The following SPMAP2L variants were observed in gnomAD, a reference collection of about 807,000 sequenced individuals.
SPMAP2L encodes sperm microtubule associated protein 2 like, also known as sperm microtubule associated protein 2-like.
At chr4:56,543,840 G>A in the SPMAP2L span, among the ~76,000 whole-genome samples, 3 of 150,426 alleles carry the variant, frequency 2.0e-5, no homozygotes, top group Non-Finnish European at 4.4e-5. Flanking sequence ...ATTTTGGTAG[G>A]GAGAACTCTG....
At chr4:56,560,924 T>G in the SPMAP2L span, among the ~76,000 whole-genome samples, 1 of 150,898 alleles carries the variant, frequency 6.6e-6, no homozygotes, top group African/African-American at 2.4e-5. Context: ...TTTTGTATTT[T>G]TAGTAGAGAC....
the SPMAP2L span, among the ~76,000 whole-genome samples, chr4:56,543,846 C>A: frequency 6.6e-6 from 1 of 150,798 alleles, no homozygotes; most frequent in African/African-American, 2.4e-5. Flanking sequence ...GTAGGGAGAA[C>A]TCTGTACTTT....
At chr4:56,539,373 C>A in the SPMAP2L span, among the ~76,000 whole-genome samples, 1 of 152,124 alleles carries the variant, frequency 6.6e-6, no homozygotes, top group Non-Finnish European at 1.5e-5. Context: ...ACAGGACAAG[C>A]ACTTCATTTT....
chr4:56,624,143 C>G, the SPMAP2L span, among the ~76,000 whole-genome samples: 2 of 152,168 alleles, frequency 1.3e-5, no homozygotes, highest in Non-Finnish European at 1.5e-5. Context: ...AAAGGCGACT[C>G]TTGTTATGTT....
the SPMAP2L span, among the ~76,000 whole-genome samples, chr4:56,581,463 A>G: frequency 1.3e-5 from 2 of 151,656 alleles, no homozygotes; most frequent in African/African-American, 4.8e-5. Flanking sequence ...CTCCAAAAAG[A>G]AAAAAAATTA....
At chr4:56,571,595 C>A in the SPMAP2L span, among the ~76,000 whole-genome samples, 1 of 152,064 alleles carries the variant, frequency 6.6e-6, no homozygotes, top group South Asian at 2.1e-4. Flanking sequence ...CCAGTAATCC[C>A]AATGCTTTGG....
At chr4:56,538,492 A>C in the SPMAP2L span, among the ~76,000 whole-genome samples, 1 of 152,152 alleles carries the variant, frequency 6.6e-6, no homozygotes, top group South Asian at 2.1e-4. Context: ...TTCTCTAAAA[A>C]GTTTTCAGAC....
the SPMAP2L span, among the ~76,000 whole-genome samples, chr4:56,599,232 G>A: frequency 6.6e-6 from 1 of 151,784 alleles, no homozygotes; most frequent in South Asian, 2.1e-4. Context: ...ACCCAGGCTG[G>A]AGAGCAGTGG....
chr4:56,621,194 G>T, the SPMAP2L span, among the ~76,000 whole-genome samples: 7 of 151,962 alleles, frequency 4.6e-5, no homozygotes, highest in African/African-American at 1.7e-4. Flanking sequence ...TAATTTAGGA[G>T]ACTATAGGAA....
the SPMAP2L span, chr4:56,603,198 C>G: frequency 6.7e-7 from 1 of 1,500,750 alleles, no homozygotes; most frequent in Non-Finnish European, 8.9e-7. Context: ...TTTCTTTTTC[C>G]CCTATTTCAG....
chr4:56,598,637 A>AG, the SPMAP2L span, among the ~76,000 whole-genome samples: 2 of 150,640 alleles, frequency 1.3e-5, no homozygotes, highest in African/African-American at 4.9e-5. Context: ...AGGTCCTGAG[A>AG]GGGAAGGACC....
chr4:56,545,084 A>G, the SPMAP2L span, among the ~76,000 whole-genome samples: 2 of 152,318 alleles, frequency 1.3e-5, no homozygotes, highest in South Asian at 2.1e-4. Context: ...TGATTGACTA[A>G]TCTATGAGAG....
At chr4:56,581,997 A>C in the SPMAP2L span, among the ~76,000 whole-genome samples, 1 of 152,224 alleles carries the variant, frequency 6.6e-6, no homozygotes, top group Non-Finnish European at 1.5e-5. Flanking sequence ...TGACGCCCAC[A>C]TCATACATGA....
chr4:56,593,298 G>A, the SPMAP2L span: 1 of 1,181,770 alleles, frequency 8.5e-7, no homozygotes, highest in Non-Finnish European at 1.3e-6. Context: ...ACAGACACAA[G>A]AGGAGGAAAT....
chr4:56,566,965 G>T, the SPMAP2L span, among the ~76,000 whole-genome samples: 1 of 151,808 alleles, frequency 6.6e-6, no homozygotes, highest in African/African-American at 2.4e-5. Flanking sequence ...AAAGTTCTAG[G>T]ATTACAGGCA....
the SPMAP2L span, among the ~76,000 whole-genome samples, chr4:56,579,271 C>G: frequency 6.6e-6 from 1 of 151,992 alleles, no homozygotes; most frequent in Admixed American, 6.6e-5. Flanking sequence ...ATTCTCTGAA[C>G]CAGTTCAATG....
the SPMAP2L span, among the ~76,000 whole-genome samples, chr4:56,542,113 G>C: frequency 6.6e-6 from 1 of 152,232 alleles, no homozygotes; most frequent in Non-Finnish European, 1.5e-5. Context: ...TTAAGTAAAA[G>C]ACAATGAAAA....
chr4:56,588,176 T>C, the SPMAP2L span, among the ~76,000 whole-genome samples: 1 of 152,248 alleles, frequency 6.6e-6, no homozygotes, highest in Middle Eastern at 3.2e-3. Flanking sequence ...GTTTGTTTTC[T>C]TCTTACTGAT....
chr4:56,597,920 C>T, the SPMAP2L span, among the ~76,000 whole-genome samples: 1 of 151,994 alleles, frequency 6.6e-6, no homozygotes, highest in Non-Finnish European at 1.5e-5. Context: ...TGGAGTGCAG[C>T]AGCACGATCA....
Sources: gnomAD v4.1 joint callset for allele counts (sites outside exome capture counted in the v4.1 genomes callset) on GRCh38, gnomAD v4.1.1 for gene constraint, MANE v1.5 for transcripts, NCBI Gene and HGNC (gene_info 2026-07-23, HGNC 2026-07-21) for gene names.